LRP1B: variants seen among roughly 807,000 people sequenced by gnomAD.
LRP1B encodes low-density lipoprotein receptor-related protein 1B.
In LRP1B, 217 loss-of-function variants were observed where a neutral mutation model predicts 556.6. The ratio of observed to expected loss-of-function variants is 0.39; its 90% CI spans 0.35 to 0.44. LRP1B has a LOEUF of 0.44. LRP1B is among the 20% of genes least tolerant of loss of function. The pLI, the probability that LRP1B is intolerant of heterozygous loss-of-function variation, is 1.00. For synonymous variants in LRP1B, 2,047 were observed against 1,865.8 expected (o/e 1.10, Z -2.50); for missense variants, 5,053 against 5,620.8 (o/e 0.90, Z 3.23).
intron 2 of LRP1B, among the ~76,000 whole-genome samples, chr2:141,699,344 T>C (rs575830499): frequency 1.3e-5 from 2 of 151,970 alleles, no homozygotes; most frequent in South Asian, 4.1e-4. Context: ...TAGCATTCTC[T>C]GTGTTACAGT....
intron 41 of LRP1B, among the ~76,000 whole-genome samples, chr2:140,627,744 A>G (rs1018679608): frequency 2.0e-5 from 3 of 152,226 alleles, no homozygotes; most frequent in Non-Finnish European, 4.4e-5. Flanking sequence ...ATACAGAAAA[A>G]AAGAATATCT....
At chr2:141,770,187 C>T (rs1187118483) in intron 2 of LRP1B, among the ~76,000 whole-genome samples, 1 of 151,838 alleles carries the variant, frequency 6.6e-6, no homozygotes, top group Non-Finnish European at 1.5e-5. Context: ...TAGCTCTGTG[C>T]ATATAGACAT....
intron 19 of LRP1B, among the ~76,000 whole-genome samples, 181 bp from the exon 20 acceptor site, chr2:140,950,583 C>CT: frequency 1.3e-5 from 2 of 152,232 alleles, no homozygotes; most frequent in Middle Eastern, 6.8e-3. Flanking sequence ...TCCTGGGGCT[C>CT]AAATGATACT....
At chr2:141,923,397 C>CTG (rs1491457257) in intron 1 of LRP1B, among the ~76,000 whole-genome samples, 2 of 120,246 alleles carry the variant, frequency 1.7e-5, no homozygotes, top group African/African-American at 3.3e-5. Context: ...GAAATTATCT[C>CTG]TGTCACTATA....
At chr2:140,841,292 T>A (rs1692097530) in intron 29 of LRP1B, among the ~76,000 whole-genome samples, 200 bp from the exon 30 acceptor site, 1 of 152,200 alleles carries the variant, frequency 6.6e-6, no homozygotes, top group Non-Finnish European at 1.5e-5. Context: ...TGCTGAGCTA[T>A]TTGAAAACCT....
chr2:141,443,668 C>G (rs1681071134), intron 3 of LRP1B, among the ~76,000 whole-genome samples: 1 of 152,104 alleles, frequency 6.6e-6, no homozygotes, highest in South Asian at 2.1e-4. Flanking sequence ...TTTCTCAACA[C>G]CATTTATTAA....
intron 22 of LRP1B, among the ~76,000 whole-genome samples, chr2:140,907,589 G>A (rs773488099): frequency 6.6e-6 from 1 of 152,050 alleles, no homozygotes. Flanking sequence ...GTTCAACTGC[G>A]GGAACATCAC....
At chr2:140,848,401 A>T (rs536186372) in intron 29 of LRP1B, among the ~76,000 whole-genome samples, 6 of 152,294 alleles carry the variant, frequency 3.9e-5, no homozygotes, top group African/African-American at 1.2e-4. Context: ...CATTCAATAA[A>T]TTTTTTTAAA....
At chr2:140,918,174 T>C (rs1461946068) in intron 21 of LRP1B, among the ~76,000 whole-genome samples, 1 of 136,742 alleles carries the variant, frequency 7.3e-6, no homozygotes, top group Non-Finnish European at 1.6e-5. Context: ...CATTCTGCTG[T>C]AGATTTCTAT....
intron 41 of LRP1B, among the ~76,000 whole-genome samples, chr2:140,684,113 G>A (rs1685963152): frequency 6.6e-6 from 1 of 151,468 alleles, no homozygotes; most frequent in Admixed American, 6.6e-5. Flanking sequence ...AAAAAATGAC[G>A]GAATCTATAA....
At chr2:141,018,737 T>C (rs1316978583) in intron 12 of LRP1B, among the ~76,000 whole-genome samples, 1 of 152,102 alleles carries the variant, frequency 6.6e-6, no homozygotes, top group East Asian at 1.9e-4. Flanking sequence ...GAACAAATAC[T>C]CTCTTCAAAA....
intron 84 of LRP1B, among the ~76,000 whole-genome samples, chr2:140,287,383 T>G (rs55945474): frequency 0.33 from 49,726 of 151,340 alleles, 8,673 homozygotes; most frequent in African/African-American, 0.43. Context: ...TTAATTCTTG[T>G]CCTGAGATGT....
At chr2:141,937,640 T>TA (rs898950440) in intron 1 of LRP1B, among the ~76,000 whole-genome samples, 7 of 150,288 alleles carry the variant, frequency 4.7e-5, no homozygotes, top group Non-Finnish European at 5.9e-5. Context: ...AGTGCAAGGA[T>TA]AAAAAAAACC....
At chr2:140,521,034 T>C (rs942231328) in intron 49 of LRP1B, among the ~76,000 whole-genome samples, 1 of 151,742 alleles carries the variant, frequency 6.6e-6, no homozygotes, top group South Asian at 2.1e-4. Context: ...ACAAAGCTTT[T>C]GAGAAATATA....
chr2:142,032,671 A>T (rs966420226), intron 1 of LRP1B, among the ~76,000 whole-genome samples: 18 of 151,790 alleles, frequency 1.2e-4, no homozygotes, highest in African/African-American at 4.4e-4. Context: ...TTATCTTTAG[A>T]CATACAGGGC....
chr2:142,009,928 A>T (rs757932181), intron 1 of LRP1B, among the ~76,000 whole-genome samples: 2 of 152,132 alleles, frequency 1.3e-5, no homozygotes, highest in South Asian at 2.1e-4. Context: ...GCATATGTAG[A>T]TGTATACATG....
At chr2:141,935,893 G>C (rs929720687) in intron 1 of LRP1B, among the ~76,000 whole-genome samples, 2 of 152,160 alleles carry the variant, frequency 1.3e-5, no homozygotes, top group Non-Finnish European at 2.9e-5. Context: ...TTCAAGGCCA[G>C]CCAAAGCAAC....
intron 7 of LRP1B, among the ~76,000 whole-genome samples, chr2:141,101,017 T>C (rs1221609552): frequency 1.3e-5 from 2 of 152,072 alleles, no homozygotes; most frequent in African/African-American, 4.8e-5. Context: ...ACAAAAGCCT[T>C]GGACATACCA....
At chr2:140,778,813 A>G (rs1285180078) in intron 32 of LRP1B, among the ~76,000 whole-genome samples, 1 of 152,116 alleles carries the variant, frequency 6.6e-6, no homozygotes, top group African/African-American at 2.4e-5. Flanking sequence ...CGCACACAAC[A>G]TCTCCTGAAT....
Sources: gnomAD v4.1 joint callset for allele counts (sites outside exome capture counted in the v4.1 genomes callset) on GRCh38, gnomAD v4.1.1 for gene constraint, MANE v1.5 for transcripts, NCBI Gene and HGNC (gene_info 2026-07-23, HGNC 2026-07-21) for gene names.